CSMD1: variants seen among roughly 807,000 people sequenced by gnomAD.
The protein encoded by CSMD1 is CUB and Sushi multiple domains 1, also known as CUB and sushi domain-containing protein 1.
In CSMD1, 213 loss-of-function variants were observed where a neutral mutation model predicts 417.5. The observed-to-expected ratio is 0.51, with a 90% CI of 0.46 to 0.57. The LOEUF is 0.57. Ranked by LOEUF, CSMD1 falls within the 20% of genes least tolerant of loss-of-function variation. CSMD1 has a pLI of 0.00. For synonymous variants in CSMD1, 2,862 were observed against 1,736.8 expected (o/e 1.65, Z -16.11); for missense variants, 6,923 against 4,529.7 (o/e 1.53, Z -15.17).
intron 1 of CSMD1, among the ~76,000 whole-genome samples, chr8:4,827,561 T>G (rs946887385): frequency 6.6e-6 from 1 of 152,226 alleles, no homozygotes. Context: ...AACAAGGCTT[T>G]GTTTATCAAT....
intron 3 of CSMD1, among the ~76,000 whole-genome samples, chr8:4,088,753 C>T (rs1447302506): frequency 6.6e-6 from 1 of 152,090 alleles, no homozygotes; most frequent in Non-Finnish European, 1.5e-5. Context: ...ATCCCACCAC[C>T]ATTTATTCCA....
intron 21 of CSMD1, among the ~76,000 whole-genome samples, chr8:3,351,228 A>T (rs1382337142): frequency 6.6e-6 from 1 of 152,214 alleles, no homozygotes; most frequent in Non-Finnish European, 1.5e-5. Flanking sequence ...CAAAGGTAGG[A>T]TTTCATTACT....
intron 3 of CSMD1, among the ~76,000 whole-genome samples, chr8:4,058,336 G>A: frequency 6.6e-6 from 1 of 152,076 alleles, no homozygotes; most frequent in East Asian, 1.9e-4. Flanking sequence ...CTCTCTGTTT[G>A]CCTGTTATTG....
intron 3 of CSMD1, among the ~76,000 whole-genome samples, chr8:4,339,108 A>G (rs768724576): frequency 2.0e-5 from 3 of 152,118 alleles, no homozygotes; most frequent in Non-Finnish European, 4.4e-5. Flanking sequence ...AAAAGAGCTC[A>G]TCTCTGAGGC....
chr8:4,064,142 G>C (rs144901099), intron 3 of CSMD1, among the ~76,000 whole-genome samples: 260 of 152,262 alleles, frequency 1.7e-3, no homozygotes, highest in African/African-American at 5.9e-3. Context: ...TGCCTCTGAT[G>C]TAAAGTTCAA....
At chr8:4,587,998 G>C (rs529081872) in intron 2 of CSMD1, among the ~76,000 whole-genome samples, 12 of 152,112 alleles carry the variant, frequency 7.9e-5, no homozygotes, top group Non-Finnish European at 1.5e-4. Flanking sequence ...TTCCTGAATC[G>C]TGAATGCAGC....
At chr8:3,365,924 A>G (rs1563314917) in intron 20 of CSMD1, among the ~76,000 whole-genome samples, 1 of 152,202 alleles carries the variant, frequency 6.6e-6, no homozygotes, top group Non-Finnish European at 1.5e-5. Context: ...GTTTATATAA[A>G]AGTGGGGCAA....
At chr8:4,793,586 T>A (rs1292242078) in intron 1 of CSMD1, among the ~76,000 whole-genome samples, 2 of 152,010 alleles carry the variant, frequency 1.3e-5, no homozygotes, top group Non-Finnish European at 2.9e-5. Flanking sequence ...AACTTTTTAG[T>A]TTGAGGCATT....
chr8:3,885,736 C>G (rs1806519557), intron 5 of CSMD1, among the ~76,000 whole-genome samples: 1 of 152,056 alleles, frequency 6.6e-6, no homozygotes, highest in Non-Finnish European at 1.5e-5. Flanking sequence ...GAATATCAGC[C>G]CCTTCTCCAT....
At chr8:3,938,410 G>C (rs1043651707) in intron 5 of CSMD1, among the ~76,000 whole-genome samples, 1 of 152,104 alleles carries the variant, frequency 6.6e-6, no homozygotes, top group Admixed American at 6.6e-5. Context: ...GTTTTGATTT[G>C]GGCTTCAAAA....
intron 3 of CSMD1, among the ~76,000 whole-genome samples, chr8:4,056,145 C>A (rs1156677587): frequency 6.9e-6 from 1 of 144,260 alleles, no homozygotes; most frequent in East Asian, 2.1e-4. Flanking sequence ...ACAGTGGCAC[C>A]ATCTTGGCTT....
At chr8:4,704,495 A>C (rs1481564417) in intron 1 of CSMD1, among the ~76,000 whole-genome samples, 1 of 152,198 alleles carries the variant, frequency 6.6e-6, no homozygotes, top group Non-Finnish European at 1.5e-5. Flanking sequence ...TTTTTGTAGT[A>C]CTATTTTCTC....
intron 1 of CSMD1, among the ~76,000 whole-genome samples, chr8:4,692,466 G>A (rs1046377671): frequency 3.3e-5 from 5 of 152,108 alleles, no homozygotes; most frequent in Admixed American, 3.3e-4. Flanking sequence ...GGCTATGGTC[G>A]ACCACATGGG....
chr8:4,351,949 A>AT (rs33935906), intron 3 of CSMD1, among the ~76,000 whole-genome samples: 81,582 of 141,482 alleles, frequency 0.58, 25,268 homozygotes, highest in Non-Finnish European at 0.7. Context: ...CCTTTATGCT[A>AT]TTTTTTTTTT....
intron 5 of CSMD1, among the ~76,000 whole-genome samples, chr8:3,983,981 G>T (rs534207221): frequency 4.6e-5 from 7 of 150,666 alleles, no homozygotes; most frequent in African/African-American, 1.7e-4. Context: ...GTCAATTGCA[G>T]CTCTAGAGCA....
chr8:4,150,336 C>T (rs117996245), intron 3 of CSMD1, among the ~76,000 whole-genome samples: 3 of 152,180 alleles, frequency 2.0e-5, no homozygotes, highest in African/African-American at 4.8e-5. Context: ...AATTCTCTAA[C>T]CCGTGCCATT....
chr8:3,836,888 T>G (rs1019031387), intron 5 of CSMD1, among the ~76,000 whole-genome samples: 11 of 152,168 alleles, frequency 7.2e-5, no homozygotes, highest in African/African-American at 2.7e-4. Flanking sequence ...AAGCAGTTCT[T>G]TAACATTTTT....
intron 25 of CSMD1, among the ~76,000 whole-genome samples, chr8:3,305,693 T>C (rs759744555): frequency 6.6e-5 from 10 of 152,174 alleles, no homozygotes; most frequent in Non-Finnish European, 1.2e-4. Flanking sequence ...GTAATATTCT[T>C]TTTCTTGAGA....
chr8:3,197,621 A>G (rs1423840616), intron 33 of CSMD1, among the ~76,000 whole-genome samples: 2 of 151,848 alleles, frequency 1.3e-5, no homozygotes, highest in Admixed American at 6.6e-5. Context: ...GCCCGCCACC[A>G]CGCCCGGCTA....
Sources: gnomAD v4.1 joint callset for allele counts (sites outside exome capture counted in the v4.1 genomes callset) on GRCh38, gnomAD v4.1.1 for gene constraint, MANE v1.5 for transcripts, NCBI Gene and HGNC (gene_info 2026-07-23, HGNC 2026-07-21) for gene names.